The following PKP4 variants were observed in gnomAD, a reference collection of about 807,000 sequenced individuals.
The protein encoded by PKP4 is plakophilin 4.
Under a neutral mutation model 145.1 loss-of-function variants are expected in PKP4, and 90 were observed. The observed-to-expected ratio is 0.62, with a 90% CI of 0.52 to 0.74. The LOEUF (loss-of-function observed/expected upper bound fraction) is 0.74. PKP4 is among the 30% of genes least tolerant of loss of function. PKP4 has a pLI of 0.00. For synonymous variants in PKP4, 563 were observed against 577.2 expected (o/e 0.98, Z 0.35); for missense variants, 1,340 against 1,482.7 (o/e 0.90, Z 1.58).
rs1020046269 is a variant in PKP4, at chr2:158,664,668, G to A, written c.2577+1223G>A. Reference sequence around the variant, plus strand: ...GATAACTATGGTCTAGTGCTAAGCCGGTGTGGTTATTTTGTTGTGGCTCCT... The same window carrying A: ...GATAACTATGGTCTAGTGCTAAGCCAGTGTGGTTATTTTGTTGTGGCTCCT... On this transcript the variant is annotated intron_variant, in intron 15 of 21. Coordinates refer to ENST00000389759, the MANE Select transcript of PKP4 (RefSeq NM_003628.6). Among the ~76,000 whole-genome samples, 9 of 152,270 alleles carry A rather than the reference G, an allele frequency of 5.9e-5. No homozygotes were observed. The East Asian group carries it at 1.4e-3, about 23-fold the overall frequency.
At position 158,663,760 on chromosome 2, in the gene PKP4, G is replaced by A. The variant is rs74463930; in HGVS notation, c.2577+315G>A. ...AGAAGACATCTAACCCAGCCACACA[G>A]TGTAAGGGAAGGTCAGGAAAAGAGC... On this transcript the variant is annotated intron_variant, in intron 15 of 21. Coordinates refer to ENST00000389759, the MANE Select transcript of PKP4 (RefSeq NM_003628.6). 1.6e-3 allele frequency among the ~76,000 whole-genome samples: 243 copies of A among 152,322 alleles called. 1 individual carries two copies. Among genetic ancestry groups the A allele is most frequent in the African/African-American group, 5.2e-3 (215 of 41,580 alleles).
intron 2 of PKP4, among the ~76,000 whole-genome samples, chr2:158,564,558 A>G (rs1057077372): frequency 5.3e-5 from 8 of 152,146 alleles, no homozygotes; most frequent in Non-Finnish European, 1.2e-4. Flanking sequence ...TTTAATAGGT[A>G]TTACCAGATT....
chr2:158,605,769 G>C (rs1218767041), intron 4 of PKP4, among the ~76,000 whole-genome samples: 1 of 152,050 alleles, frequency 6.6e-6, no homozygotes, highest in Non-Finnish European at 1.5e-5. Flanking sequence ...AAGAAACCAT[G>C]TGCCAGTTAG....
chr2:158,646,176 A>C (rs1237763825), intron 11 of PKP4, among the ~76,000 whole-genome samples: 1 of 152,204 alleles, frequency 6.6e-6, no homozygotes, highest in Admixed American at 6.5e-5. Context: ...TTAGGCTATA[A>C]GAAACAATTT....
rs567317745 is a variant in PKP4 at position 158,480,634 on chromosome 2, C to T, written c.-6+23416C>T. 4.0e-5 allele frequency among the ~76,000 whole-genome samples: 6 copies of T among 151,582 alleles called. No individual in the cohort carries two copies. In the East Asian group the frequency reaches 7.7e-4, roughly 20 times the overall value. On this transcript the variant is annotated intron_variant, in intron 1 of 21. Coordinates refer to ENST00000389759, the MANE Select transcript of PKP4 (RefSeq NM_003628.6). ...CTTTAAGAGGAATAAAAACCACACC[C>T]GAGATATTTAATGAAAAATTATATA...
chr2:158,496,273 G>C (rs183651519), intron 1 of PKP4, among the ~76,000 whole-genome samples: 1 of 152,082 alleles, frequency 6.6e-6, no homozygotes, highest in Non-Finnish European at 1.5e-5. Context: ...GAGCCACTGC[G>C]CCTGGCCCAA....
At chr2:158,527,019 G>A (rs10439369) in intron 1 of PKP4, among the ~76,000 whole-genome samples, 53 of 125,594 alleles carry the variant, frequency 4.2e-4, no homozygotes, top group Middle Eastern at 3.5e-3. Context: ...TTCCATGCTC[G>A]TGGGTAGGAA....
intron 1 of PKP4, among the ~76,000 whole-genome samples, chr2:158,528,299 A>G (rs2043147061): frequency 6.8e-6 from 1 of 147,108 alleles, no homozygotes; most frequent in Admixed American, 7.0e-5. Context: ...ATGGAATACT[A>G]TGCAGCCATA....
intron 11 of PKP4, among the ~76,000 whole-genome samples, chr2:158,643,575 G>A (rs2054508923): frequency 6.6e-6 from 1 of 152,026 alleles, no homozygotes; most frequent in South Asian, 2.1e-4. Flanking sequence ...AGCTGGATGT[G>A]GTGGCACATG....
chr2:158,550,099 T>G (rs2045462206), intron 2 of PKP4, among the ~76,000 whole-genome samples: 1 of 152,230 alleles, frequency 6.6e-6, no homozygotes, highest in Non-Finnish European at 1.5e-5. Context: ...GAAGGTTACA[T>G]TTATAGATCT....
chr2:158,502,647 A>G (rs1411536993), intron 1 of PKP4, among the ~76,000 whole-genome samples: 1 of 152,198 alleles, frequency 6.6e-6, no homozygotes, highest in Non-Finnish European at 1.5e-5. Context: ...CTGTAGCACA[A>G]CTAGTCTGTA....
chr2:158,618,676 T>A (rs2051888445), intron 4 of PKP4, among the ~76,000 whole-genome samples: 1 of 152,132 alleles, frequency 6.6e-6, no homozygotes, highest in Non-Finnish European at 1.5e-5. Context: ...ATATGTTTCA[T>A]TGAGTGAAAA....
intron 4 of PKP4, among the ~76,000 whole-genome samples, chr2:158,607,762 CA>C (rs1281718687): frequency 6.6e-6 from 1 of 152,004 alleles, no homozygotes; most frequent in East Asian, 1.9e-4. Flanking sequence ...TTTTAATTAC[CA>C]AAAGCCAAGC....
intron 1 of PKP4, among the ~76,000 whole-genome samples, chr2:158,531,644 T>C (rs1411692164): frequency 1.3e-5 from 2 of 152,228 alleles, no homozygotes; most frequent in African/African-American, 4.8e-5. Flanking sequence ...AATTATTACA[T>C]TGTATAAAGA....
chr2:158,547,563 A>G (rs1172304878), intron 2 of PKP4, among the ~76,000 whole-genome samples: 1 of 152,228 alleles, frequency 6.6e-6, no homozygotes, highest in East Asian at 1.9e-4. Context: ...TGGCATGACC[A>G]AAATATTCTG....
At chr2:158,608,397 T>C (rs1333997099) in intron 4 of PKP4, among the ~76,000 whole-genome samples, 2 of 152,180 alleles carry the variant, frequency 1.3e-5, no homozygotes, top group African/African-American at 4.8e-5. Flanking sequence ...GTTGTCCAAA[T>C]AGCTCCTCAA....
At chr2:158,649,006 GA>G (rs752772878) in intron 11 of PKP4, among the ~76,000 whole-genome samples, 1 of 152,062 alleles carries the variant, frequency 6.6e-6, no homozygotes, top group Non-Finnish European at 1.5e-5. Flanking sequence ...AAAAATAAAT[GA>G]AACAATCACA....
chr2:158,501,505 G>A (rs1372980839), intron 1 of PKP4, among the ~76,000 whole-genome samples: 2 of 152,184 alleles, frequency 1.3e-5, no homozygotes, highest in African/African-American at 2.4e-5. Flanking sequence ...CCCTACCTGA[G>A]TTTCTCATCT....
At chr2:158,556,004 C>T (rs2046058204) in intron 2 of PKP4, among the ~76,000 whole-genome samples, 1 of 152,146 alleles carries the variant, frequency 6.6e-6, no homozygotes, top group East Asian at 1.9e-4. Flanking sequence ...CATTTATATT[C>T]TGTCATAATT....
Sources: allele counts gnomAD v4.1 joint callset (sites outside exome capture counted in the v4.1 genomes callset), GRCh38; gene constraint gnomAD v4.1.1; transcripts MANE v1.5; gene names NCBI Gene and HGNC (gene_info 2026-07-23, HGNC 2026-07-21).